TTC6: variants seen among roughly 807,000 people sequenced by gnomAD.
TTC6 encodes the protein tetratricopeptide repeat domain 6.
A neutral mutation model predicts 210.4 loss-of-function variants in TTC6; 172 were observed. That is an observed-to-expected ratio of 0.82 (90% CI 0.72 to 0.93). TTC6 has a LOEUF of 0.93. Ranked by LOEUF, TTC6 falls within the 40% of genes least tolerant of loss-of-function variation. TTC6 has a pLI of 0.00. For synonymous variants in TTC6, 804 were observed against 819.6 expected (o/e 0.98, Z 0.32); for missense variants, 2,414 against 2,318.1 (o/e 1.04, Z -0.85).
intron 2 of TTC6, among the ~76,000 whole-genome samples, chr14:37,613,258 A>C (rs961851527): frequency 6.6e-6 from 1 of 152,092 alleles, no homozygotes; most frequent in Non-Finnish European, 1.5e-5. Context: ...CTCTGTTAAT[A>C]TAGTGAATTA....
intron 3 of TTC6, among the ~76,000 whole-genome samples, chr14:37,686,680 CAAGAG>C (rs2095794502): frequency 6.6e-6 from 1 of 152,044 alleles, no homozygotes; most frequent in East Asian, 1.9e-4. Flanking sequence ...CGGTGGCAGA[CAAGAG>C]AAGAGAATGA....
chr14:37,841,956 T>G (rs1329463764), intron 30 of TTC6, among the ~76,000 whole-genome samples, 199 bp from the exon 33 acceptor site: 1 of 152,180 alleles, frequency 6.6e-6, no homozygotes, highest in Non-Finnish European at 1.5e-5. Context: ...GTTAGTTTGC[T>G]TAGAAAGATT....
At chr14:37,700,732 G>A (rs1401356478) in intron 4 of TTC6, among the ~76,000 whole-genome samples, 1 of 119,246 alleles carries the variant, frequency 8.4e-6, no homozygotes, top group Non-Finnish European at 1.6e-5. Flanking sequence ...CTGGGTGACA[G>A]AGTGAGACTC....
intron 14 of TTC6, among the ~76,000 whole-genome samples, chr14:37,784,341 C>T (rs2096062584): frequency 6.6e-6 from 1 of 152,178 alleles, no homozygotes; most frequent in African/African-American, 2.4e-5. Flanking sequence ...ATAGTTAGCT[C>T]TTTTTGTTGA....
intron 10 of TTC6, among the ~76,000 whole-genome samples, chr14:37,740,831 G>A (rs1274283873): frequency 1.3e-5 from 2 of 152,124 alleles, no homozygotes; most frequent in Non-Finnish European, 2.9e-5. Flanking sequence ...TGATTTTAAA[G>A]TATTATGAAT....
chr14:37,612,233 AG>A (rs1320500900), intron 2 of TTC6, among the ~76,000 whole-genome samples: 2 of 152,178 alleles, frequency 1.3e-5, no homozygotes, highest in Non-Finnish European at 1.5e-5. Context: ...CCCTGCTTTT[AG>A]CCCACACCAT....
chr14:37,628,964 A>G (rs1000086410), intron 1 of TTC6, among the ~76,000 whole-genome samples: 5 of 152,040 alleles, frequency 3.3e-5, no homozygotes, highest in African/African-American at 9.7e-5. Flanking sequence ...CCATTGGTCT[A>G]TATATCTTTT....
Position 37,771,873 on chromosome 14 carries a change from A to T in TTC6, c.3267-15595A>T, listed in dbSNP as rs141526275. 6.1e-3 allele frequency among the ~76,000 whole-genome samples: 931 copies of T among 152,070 alleles called. 13 individuals are homozygous for T. The highest frequency in any genetic ancestry group is 0.021 in the African/African-American group (871 of 41,476). ...GAACTGCTTTCCTTTGGAGGAGGAG[A>T]GGCGCTCTGCTTTTTAGAGTTTCCA... On this transcript the variant is annotated intron_variant, in intron 14 of 30. Transcript: ENST00000553443.
At chr14:37,752,805 G>T (rs1487655839) in intron 13 of TTC6, among the ~76,000 whole-genome samples, 4 of 151,840 alleles carry the variant, frequency 2.6e-5, no homozygotes, top group Admixed American at 2.6e-4. Flanking sequence ...CACTCTAGTT[G>T]AACAATTCAC....
At position 37,738,954 on chromosome 14, in the gene TTC6, T is replaced by C. The variant is rs1369268513; in HGVS notation, c.2162T>C (p.Ile721Thr). 3.3e-6 allele frequency: 5 copies of C among 1,535,386 alleles called. No individual in the cohort carries two copies. The Admixed American group carries it at 9.8e-5, about 30-fold the overall frequency. The change falls in exon 10 of 31, where the codon ATA (isoleucine) becomes ACA (threonine). Residue 721 changes from isoleucine (I) to threonine (T), a missense_variant. Ile to Thr is a moderately conservative substitution (Grantham distance 89). Coordinates refer to ENST00000553443, the Ensembl canonical transcript of TTC6. ...GAGCCCAACTATGTGAAAGAAAGTATAGATGACATCTTTGATAACATGTGC... is the reference window on the plus strand; with the variant it reads ...GAGCCCAACTATGTGAAAGAAAGTACAGATGACATCTTTGATAACATGTGC...
At chr14:37,832,364 G>T (rs1490209896) in intron 29 of TTC6, among the ~76,000 whole-genome samples, 6 of 52,924 alleles carry the variant, frequency 1.1e-4, no homozygotes, top group South Asian at 5.8e-4. Context: ...ACTAATTTTG[G>T]GCTTGGCTAG....
At chr14:37,745,604 G>T (rs1489221243) in intron 10 of TTC6, among the ~76,000 whole-genome samples, 2 of 152,150 alleles carry the variant, frequency 1.3e-5, no homozygotes, top group Admixed American at 6.5e-5. Context: ...ATGGGTCCAT[G>T]TCTTACTAGG....
chr14:37,701,543 T>C lies in TTC6; in HGVS notation c.1571+17T>C. The C allele has an allele frequency of 4.9e-6, 7 of 1,430,548 alleles. No individual in the cohort carries two copies. Among genetic ancestry groups the C allele is most frequent in the Non-Finnish European group, 5.5e-6 (6 of 1,097,634 alleles). The allele number at this position is 1,430,548 out of a possible 1,614,324, so 88.6% of individuals were successfully genotyped here. ...AACAGATAGGTAAGAGTTCCACTGG[T>C]AATTTGATTTTAAGCTAAATGTAAA... On this transcript the variant is annotated intron_variant, in intron 5 of 30. Transcript: ENST00000553443.
chr14:37,726,837 G>A (rs1428619040), intron 7 of TTC6, among the ~76,000 whole-genome samples: 1 of 151,976 alleles, frequency 6.6e-6, no homozygotes, highest in Non-Finnish European at 1.5e-5. Flanking sequence ...TATGTATTTA[G>A]TTGAGATTTA....
intron 14 of TTC6, among the ~76,000 whole-genome samples, chr14:37,773,178 A>C (rs1482386351): frequency 6.6e-6 from 1 of 152,150 alleles, no homozygotes; most frequent in East Asian, 1.9e-4. Flanking sequence ...CCTTTGTCAG[A>C]TACACAGTTT....
At chr14:37,615,186 T>C (rs893567476) in intron 2 of TTC6, among the ~76,000 whole-genome samples, 7 of 152,256 alleles carry the variant, frequency 4.6e-5, no homozygotes, top group African/African-American at 1.7e-4. Context: ...TCTCTCTGTC[T>C]GCTTTTGAAT....
chr14:37,810,625 T>A lies in TTC6; in HGVS notation c.4570-1689T>A, dbSNP rs551779553. ...GTGTTTAGGTGGCTTTGTAAAACTG[T>A]CTGACCTCCAGCATGTGGACTGGAT... On this transcript the variant is annotated intron_variant, in intron 24 of 30. Coordinates refer to ENST00000553443, the Ensembl canonical transcript of TTC6. Among the ~76,000 whole-genome samples the A allele has an allele frequency of 3.3e-5, 5 of 152,268 alleles. No homozygotes were observed. The East Asian group carries it at 9.7e-4, about 29-fold the overall frequency.
chr14:37,737,123 T>A lies in TTC6; in HGVS notation c.1909-537T>A, dbSNP rs193008649. Among the ~76,000 whole-genome samples, 3 of 152,286 alleles carry A rather than the reference T, an allele frequency of 2.0e-5. No individual in the cohort carries two copies. In the East Asian group the frequency reaches 5.8e-4, roughly 29 times the overall value. On this transcript the variant is annotated intron_variant, in intron 8 of 30. Transcript: ENST00000553443. ...AAGGACATGGAACATAGCATTTTCT[T>A]TGTACTTTGCACTCTAGTTTAGTAG...
chr14:37,726,811 T>G (rs999301069), intron 7 of TTC6, among the ~76,000 whole-genome samples: 2 of 152,126 alleles, frequency 1.3e-5, no homozygotes, highest in East Asian at 3.8e-4. Flanking sequence ...ATTGGCAACA[T>G]ATTCCTACAG....
Sources: allele counts gnomAD v4.1 joint callset (sites outside exome capture counted in the v4.1 genomes callset), GRCh38; gene constraint gnomAD v4.1.1; transcripts MANE v1.5; gene names NCBI Gene and HGNC (gene_info 2026-07-23, HGNC 2026-07-21).